The following VPS26B variants were observed in gnomAD, a reference collection of about 807,000 sequenced individuals.
The protein encoded by VPS26B is vacuolar protein sorting-associated protein 26B.
A neutral mutation model predicts 33.3 loss-of-function variants in VPS26B; 10 were observed. The ratio of observed to expected loss-of-function variants is 0.30; its 90% CI spans 0.19 to 0.51. The LOEUF is 0.51. Among genes scored for constraint, VPS26B ranks in the 20% least tolerant of loss-of-function variants. VPS26B has a pLI of 0.98. For missense variants in VPS26B, 317 were observed against 452.7 expected (o/e 0.70, Z 2.72); for synonymous variants, 190 against 176.9 (o/e 1.07, Z -0.59).
chr11:134,243,091 C>A (rs1340267047), intron 3 of VPS26B, 28 bp from the exon 4 acceptor site: 1 of 1,612,696 alleles, frequency 6.2e-7, no homozygotes, highest in Non-Finnish European at 8.5e-7. Flanking sequence ...GTACCAACAT[C>A]TTACTTTCTG....
At position 134,225,057 on chromosome 11, in the gene VPS26B, T is replaced by G; in HGVS notation, c.-66T>G. On this transcript the variant is annotated 5_prime_UTR_variant, in exon 1 of 6. Coordinates refer to ENST00000281187, the MANE Select transcript of VPS26B (RefSeq NM_052875.5). ...ATCGGGCCCTCTGGCCTTCTTTACC[T>G]AGGGCAGCCCGCGCCCCGGTGCGAG... is the stretch of plus-strand genomic sequence containing the variant. 1 of 1,485,904 alleles carries G rather than the reference T, an allele frequency of 6.7e-7. No homozygotes were observed. The highest frequency in any genetic ancestry group is 9.1e-7 in the Non-Finnish European group (1 of 1,104,652). 92.0% of individuals were successfully genotyped at this position (1,485,904 alleles called of 1,614,324 possible).
chr11:134,228,159 A>G (rs952226373), intron 1 of VPS26B, among the ~76,000 whole-genome samples: 4 of 152,280 alleles, frequency 2.6e-5, no homozygotes, highest in African/African-American at 9.6e-5. Flanking sequence ...ACAAGGCATT[A>G]GAATAACCTT....
At chr11:134,241,155 A>G (rs1938718910) in intron 3 of VPS26B, among the ~76,000 whole-genome samples, 1 of 152,216 alleles carries the variant, frequency 6.6e-6, no homozygotes, top group Non-Finnish European at 1.5e-5. Context: ...ATCCAAAAGT[A>G]GAAAGGGTAT....
At chr11:134,231,053 A>C (rs1286864373) in intron 1 of VPS26B, among the ~76,000 whole-genome samples, 1 of 152,154 alleles carries the variant, frequency 6.6e-6, no homozygotes, top group Non-Finnish European at 1.5e-5. Flanking sequence ...AGAAGAAGAG[A>C]CCGTTGTTGA....
chr11:134,239,245 A>G (rs1242377387), intron 2 of VPS26B, among the ~76,000 whole-genome samples: 1 of 152,146 alleles, frequency 6.6e-6, no homozygotes, highest in Non-Finnish European at 1.5e-5. Context: ...CCTGTGGCAT[A>G]TAAGGTTTGC....
At chr11:134,239,881 G>T in intron 2 of VPS26B, 110 bp from the exon 3 acceptor site, 1 of 1,229,414 alleles carries the variant, frequency 8.1e-7, no homozygotes, top group Non-Finnish European at 1.2e-6. Flanking sequence ...AGCCCTCAAG[G>T]GTTAAGAACC....
At chr11:134,239,912 G>C (rs780741392) in intron 2 of VPS26B, 79 bp from the exon 3 acceptor site, 1 of 1,556,544 alleles carries the variant, frequency 6.4e-7, no homozygotes, top group Non-Finnish European at 8.8e-7. Context: ...CTTCTCTCAA[G>C]TGGGCCAATT....
In VPS26B at chr11:134,234,907, C is replaced by T. The variant is rs746039154; in HGVS notation, c.234C>T (p.Tyr78=). 5.6e-6 allele frequency: 9 copies of T among 1,613,844 alleles called. 1 individual carries two copies. Among genetic ancestry groups the T allele is most frequent in the South Asian group, 5.5e-5 (5 of 91,058 alleles). Residue 78 remains tyrosine, a synonymous_variant, in exon 2 of 6, where the codon TAC becomes TAT. Transcript: ENST00000281187. ...IEFIGQIELY[Y]DRGNHHEFVS... ...GCTGTCTCTCACCAGAACTCTACTACGATCGCGGGAACCACCATGAGTTTG... is the reference window on the plus strand; with the variant it reads ...GCTGTCTCTCACCAGAACTCTACTATGATCGCGGGAACCACCATGAGTTTG...
intron 1 of VPS26B, among the ~76,000 whole-genome samples, chr11:134,226,179 T>C (rs544354436): frequency 9.7e-4 from 148 of 152,202 alleles, no homozygotes; most frequent in Middle Eastern, 3.4e-3. Flanking sequence ...AGTGGGAGGA[T>C]TGCTTGAGGC....
intron 1 of VPS26B, among the ~76,000 whole-genome samples, chr11:134,231,804 C>CA (rs1415049421): frequency 6.6e-6 from 1 of 152,182 alleles, no homozygotes; most frequent in Non-Finnish European, 1.5e-5. Flanking sequence ...ACCTCGTGAT[C>CA]CACCCGCCTT....
rs1032040516 is a variant in VPS26B, at chr11:134,245,095, C to T, written c.864+15C>T. The T allele has an allele frequency of 9.3e-6, 15 of 1,613,306 alleles. No homozygotes were observed. The highest frequency in any genetic ancestry group is 1.2e-5 in the Non-Finnish European group (14 of 1,179,838). On this transcript the variant is annotated intron_variant, in intron 5 of 5. Coordinates refer to ENST00000281187, the MANE Select transcript of VPS26B (RefSeq NM_052875.5). The surrounding 1 kb of genome is among the most constrained non-coding windows in gnomAD (Gnocchi z 4.7). ...TCAAGCAGCAGGTGAGGGCCAGGCT[C>T]CTCCAGGCCCCGATGCCCTTGGGAC... is the stretch of plus-strand genomic sequence containing the variant.
Position 134,225,122 on chromosome 11 carries a change from G to C in VPS26B, c.-1G>C. 6.2e-7 allele frequency: 1 copy of C among 1,601,668 alleles called. No homozygotes were observed. The highest frequency in any genetic ancestry group is 1.1e-5 in the South Asian group (1 of 90,262). On this transcript the variant is annotated 5_prime_UTR_variant, in exon 1 of 6. Transcript: ENST00000281187. ...CGAGACCCGCCCGGCCCGGCGGTGC[G>C]ATGAGCTTCTTCGGCTTCGGGCAGA...
intron 1 of VPS26B, among the ~76,000 whole-genome samples, chr11:134,231,166 A>T (rs2136046580): frequency 6.6e-6 from 1 of 152,238 alleles, no homozygotes; most frequent in East Asian, 1.9e-4. Context: ...AAGGTCAGAC[A>T]TGCGGAGGAG....
chr11:134,233,665 C>T (rs555473074), intron 1 of VPS26B, among the ~76,000 whole-genome samples: 26 of 152,232 alleles, frequency 1.7e-4, no homozygotes, highest in African/African-American at 6.3e-4. Context: ...GCGGAGGTTG[C>T]AGTGAGTCGA....
At chr11:134,238,847 T>A (rs192835048) in intron 2 of VPS26B, among the ~76,000 whole-genome samples, 3 of 152,210 alleles carry the variant, frequency 2.0e-5, no homozygotes, top group Non-Finnish European at 4.4e-5. Context: ...CGCCCGCCTC[T>A]GCCTCCCAAA....
At chr11:134,234,613 A>G (rs1938603796) in intron 1 of VPS26B, among the ~76,000 whole-genome samples, 3 of 152,334 alleles carry the variant, frequency 2.0e-5, no homozygotes, top group South Asian at 4.1e-4. Context: ...ATTGGCTCCC[A>G]TGACTTACCC....
chr11:134,233,546 AC>A lies in VPS26B; in HGVS notation c.224-1347del, dbSNP rs559366973. 1.4e-4 allele frequency among the ~76,000 whole-genome samples: 22 copies of A among 152,300 alleles called. 1 individual carries two copies. The South Asian group carries it at 4.6e-3, about 32-fold the overall frequency. On this transcript the variant is annotated intron_variant, in intron 1 of 5. Coordinates refer to ENST00000281187, the MANE Select transcript of VPS26B (RefSeq NM_052875.5). ...AGACCATCCTGGCTAACATGGTGAA[AC>A]CCCATCTCTACTAAAAATACAAAAA...
At chr11:134,225,546 G>T in intron 1 of VPS26B, 1 of 612,278 alleles carries the variant, frequency 1.6e-6, no homozygotes, top group East Asian at 3.0e-5. Flanking sequence ...ACAGCGCGCT[G>T]CCAGGGAGAT....
chr11:134,234,893 C>A lies in VPS26B; in HGVS notation c.224-4C>A. The A allele has an allele frequency of 6.2e-7, 1 of 1,613,692 alleles. No individual in the cohort carries two copies. Among genetic ancestry groups the A allele is most frequent in the Non-Finnish European group, 8.5e-7 (1 of 1,179,730 alleles). On this transcript the variant is annotated splice_region_variant and splice_polypyrimidine_tract_variant and intron_variant, in intron 1 of 5. Transcript: ENST00000281187. ...GAGGGCGTCGCATCGCTGTCTCTCA[C>A]CAGAACTCTACTACGATCGCGGGAA... is the stretch of plus-strand genomic sequence containing the variant.
Sources: allele counts gnomAD v4.1 joint callset (sites outside exome capture counted in the v4.1 genomes callset), GRCh38; gene constraint gnomAD v4.1.1; non-coding constraint Gnocchi (gnomAD v3.1); transcripts MANE v1.5; gene names NCBI Gene and HGNC (gene_info 2026-07-23, HGNC 2026-07-21).